CADM2: variants seen among roughly 807,000 people sequenced by gnomAD.
The protein encoded by CADM2 is cell adhesion molecule 2, also known as immunoglobulin superfamily member 4D.
In CADM2, 12 loss-of-function variants were observed where a neutral mutation model predicts 49.8. The ratio of observed to expected loss-of-function variants is 0.24; its 90% confidence interval spans 0.15 to 0.39. The LOEUF is 0.39. Among genes scored for constraint, CADM2 ranks in the 10% least tolerant of loss-of-function variants. The probability of loss-of-function intolerance (pLI) is 1.00; values close to 1 mark genes in which losing one functional copy is unlikely to be tolerated. For synonymous variants in CADM2, 214 were observed against 175.4 expected (o/e 1.22, Z -1.74); for missense variants, 378 against 492.3 (o/e 0.77, Z 2.20).
chr3:85,627,926 T>TA (rs1380746032), intron 1 of CADM2, among the ~76,000 whole-genome samples: 2 of 152,064 alleles, frequency 1.3e-5, no homozygotes, highest in African/African-American at 4.8e-5. Context: ...GTATGACTCT[T>TA]ACTGAATTCC....
chr3:85,985,753 A>C (rs1728025651), intron 8 of CADM2, among the ~76,000 whole-genome samples: 1 of 151,660 alleles, frequency 6.6e-6, no homozygotes, highest in Admixed American at 6.6e-5. Flanking sequence ...TTCACTCTAA[A>C]AGCATTTGAA....
At chr3:85,877,684 G>GTTTTTTTTTTTTTTTTTTTTTTTTTT (rs368101272) in intron 3 of CADM2, among the ~76,000 whole-genome samples, 1 of 112,020 alleles carries the variant, frequency 8.9e-6, no homozygotes, top group African/African-American at 3.3e-5. Context: ...TTTTTCTTCT[G>GTTTTTTTTTTTTTTTTTTTTTTTTTT]TTTTTTTTTT....
chr3:85,614,376 A>G (rs781534135), intron 1 of CADM2, among the ~76,000 whole-genome samples: 51 of 151,598 alleles, frequency 3.4e-4, no homozygotes, highest in Non-Finnish European at 6.9e-4. Flanking sequence ...GAATATATAT[A>G]CACATATATA....
chr3:85,481,684 A>C (rs751113352), intron 1 of CADM2, among the ~76,000 whole-genome samples: 1 of 151,744 alleles, frequency 6.6e-6, no homozygotes, highest in Non-Finnish European at 1.5e-5. Context: ...AAAGCATTTA[A>C]TATCCCCTAG....
intron 2 of CADM2, among the ~76,000 whole-genome samples, chr3:85,734,722 T>G (rs1391235717): frequency 2.0e-5 from 3 of 147,918 alleles, no homozygotes; most frequent in Non-Finnish European, 4.5e-5. Context: ...TGTGTATATC[T>G]TTTTAAATAT....
intron 1 of CADM2, among the ~76,000 whole-genome samples, chr3:85,048,147 T>C (rs988566014): frequency 2.0e-5 from 3 of 152,068 alleles, no homozygotes; most frequent in Non-Finnish European, 2.9e-5. Context: ...AGACGATGTA[T>C]GGAAAAAAAG....
chr3:85,883,804 T>G (rs1471207129), intron 4 of CADM2, among the ~76,000 whole-genome samples: 1 of 152,188 alleles, frequency 6.6e-6, no homozygotes, highest in African/African-American at 2.4e-5. Context: ...ATGAGCATAA[T>G]GAGTTCAACT....
intron 1 of CADM2, among the ~76,000 whole-genome samples, chr3:85,030,997 A>G (rs1045998667): frequency 2.6e-5 from 4 of 152,098 alleles, no homozygotes; most frequent in Non-Finnish European, 5.9e-5. Flanking sequence ...GAAGTACTAC[A>G]GACCAGTAAT....
intron 1 of CADM2, among the ~76,000 whole-genome samples, chr3:85,391,903 T>C (rs909360693): frequency 3.0e-4 from 46 of 152,176 alleles, no homozygotes; most frequent in African/African-American, 1.1e-3. Flanking sequence ...AATTCTACAA[T>C]GTTCAAAAGA....
intron 1 of CADM2, among the ~76,000 whole-genome samples, chr3:85,085,387 A>G (rs1575831175): frequency 6.6e-6 from 1 of 151,820 alleles, no homozygotes; most frequent in Non-Finnish European, 1.5e-5. Context: ...AAAGGACAGT[A>G]TTTTTTTCTT....
At chr3:85,302,166 C>A (rs953618888) in intron 1 of CADM2, among the ~76,000 whole-genome samples, 16 of 151,960 alleles carry the variant, frequency 1.1e-4, no homozygotes, top group Non-Finnish European at 1.8e-4. Flanking sequence ...AATTTATGTT[C>A]CTGGTCATTG....
intron 1 of CADM2, among the ~76,000 whole-genome samples, chr3:85,238,245 A>G (rs1339783006): frequency 2.6e-5 from 4 of 152,036 alleles, no homozygotes; most frequent in African/African-American, 9.7e-5. Flanking sequence ...TCAGTGTGCC[A>G]TATTTACATT....
intron 1 of CADM2, among the ~76,000 whole-genome samples, chr3:85,689,694 G>C (rs2066325213): frequency 6.6e-6 from 1 of 152,152 alleles, no homozygotes; most frequent in African/African-American, 2.4e-5. Context: ...CTAAGGTGTG[G>C]GGTATAGAGT....
intron 1 of CADM2, among the ~76,000 whole-genome samples, chr3:85,063,887 C>G (rs541355843): frequency 9.9e-5 from 15 of 152,134 alleles, no homozygotes; most frequent in African/African-American, 2.9e-4. Context: ...AACGCATTAG[C>G]AGCTTCCTCC....
intron 1 of CADM2, among the ~76,000 whole-genome samples, chr3:85,261,650 C>A (rs905663938): frequency 1.3e-5 from 2 of 151,898 alleles, no homozygotes; most frequent in African/African-American, 4.8e-5. Flanking sequence ...TATATTAAAT[C>A]TAGTAGTTCA....
chr3:85,393,599 G>T lies in CADM2; in HGVS notation c.62-332923G>T, dbSNP rs139845741. On this transcript the variant is annotated intron_variant, in intron 1 of 9. Transcript: ENST00000383699. ...AATCATAAGGAAGCTTTATCAAACTGCATGGAAGAGGTGGCATATTAGAAA... is the reference window on the plus strand; with the variant it reads ...AATCATAAGGAAGCTTTATCAAACTTCATGGAAGAGGTGGCATATTAGAAA... Among the ~76,000 whole-genome samples the T allele has an allele frequency of 6.8e-4, 104 of 152,182 alleles. 2 individuals are homozygous for T. In the East Asian group the frequency reaches 0.02, roughly 29 times the overall value.
chr3:85,573,460 G>A (rs1162772217), intron 1 of CADM2, among the ~76,000 whole-genome samples: 3 of 152,032 alleles, frequency 2.0e-5, no homozygotes, highest in Non-Finnish European at 4.4e-5. Context: ...CAAAGTGCTG[G>A]CATTATAGGG....
intron 1 of CADM2, among the ~76,000 whole-genome samples, chr3:85,034,637 G>T (rs923058279): frequency 3.3e-5 from 5 of 151,882 alleles, no homozygotes; most frequent in Admixed American, 3.3e-4. Flanking sequence ...TAGTATGATA[G>T]CTCTATTTTT....
At chr3:85,018,598 A>C (rs1467116077) in intron 1 of CADM2, among the ~76,000 whole-genome samples, 1 of 151,996 alleles carries the variant, frequency 6.6e-6, no homozygotes, top group Non-Finnish European at 1.5e-5. Context: ...CAGGTGATCC[A>C]CCTGCCTCGG....
Sources: allele counts gnomAD v4.1 joint callset (sites outside exome capture counted in the v4.1 genomes callset), GRCh38; gene constraint gnomAD v4.1.1; transcripts MANE v1.5; gene names NCBI Gene and HGNC (gene_info 2026-07-23, HGNC 2026-07-21).